Variants in TRPM1 observed in about 807,000 individuals in gnomAD.
TRPM1 encodes the protein transient receptor potential cation channel subfamily M member 1.
Under a neutral mutation model 149.4 loss-of-function variants are expected in TRPM1, and 113 were observed. The ratio of observed to expected loss-of-function variants is 0.76; its 90% confidence interval spans 0.65 to 0.88. The LOEUF (loss-of-function observed/expected upper bound fraction) is 0.88, where lower values mean the gene tolerates loss of function less well. Ranked by LOEUF, TRPM1 falls within the 40% of genes least tolerant of loss-of-function variation. TRPM1 has a pLI of 0.00. For synonymous variants in TRPM1, 741 were observed against 759.5 expected (o/e 0.98, Z 0.40); for missense variants, 1,976 against 2,038.7 (o/e 0.97, Z 0.59).
At chr15:31,088,385 T>C (rs747641751) in intron 1 of TRPM1, among the ~76,000 whole-genome samples, 5 of 152,176 alleles carry the variant, frequency 3.3e-5, no homozygotes, top group Non-Finnish European at 7.3e-5. Context: ...TGGCAATAAA[T>C]GTTATTGCTG....
At position 31,026,364 on chromosome 15, in the gene TRPM1, C is replaced by T. The variant is rs13380246; in HGVS notation, c.3497-93G>A. ...ATTTCACAGCCCCACTTTAATTAAG[C>T]TCTCTTCTCCGCCACTCCTAAGGCA... On this transcript the variant is annotated intron_variant, in intron 26 of 27. Coordinates refer to ENST00000256552, the MANE Select transcript of TRPM1 (RefSeq NM_001252024.2). The T allele has an allele frequency of 0.13, 190,357 of 1,481,094 alleles. 12,951 individuals carry two copies. The highest frequency in any genetic ancestry group is 0.19 in the African/African-American group (14,152 of 72,670). 91.7% of individuals were successfully genotyped at this position (1,481,094 alleles called of 1,614,324 possible).
intron 1 of TRPM1, among the ~76,000 whole-genome samples, chr15:31,085,064 T>A (rs1223406627): frequency 6.6e-6 from 1 of 152,180 alleles, no homozygotes; most frequent in East Asian, 1.9e-4. Flanking sequence ...TTGTTCATTT[T>A]GTGTTTGTGG....
rs574522837 is a variant in TRPM1, at chr15:31,063,275, G to T, written c.808C>A (p.Pro270Thr). 2.0e-5 allele frequency: 32 copies of T among 1,613,996 alleles called. No individual in the cohort carries two copies. The highest frequency in any genetic ancestry group is 2.6e-5 in the Non-Finnish European group (31 of 1,180,026). ...CCCTCCACCACGAGACCCACGAGGGGCACGCCCTGCCCCAGTCCTGCAACA... is the reference window on the plus strand; with the variant it reads ...CCCTCCACCACGAGACCCACGAGGGTCACGCCCTGCCCCAGTCCTGCAACA... ...KINTRLGQGV[P>T]LVGLVVEGGP... Residue 270 changes from proline (P) to threonine (T), a missense_variant, in exon 8 of 28, where the codon CCC becomes ACC. Pro to Thr is a conservative substitution (Grantham distance 38, BLOSUM62 -1). This residue lies in a region of TRPM1 where 1,332 missense variants were observed against 1,347.1 expected (regional missense o/e 0.99). Coordinates refer to ENST00000256552, the MANE Select transcript of TRPM1 (RefSeq NM_001252024.2).
chr15:31,159,617 T>A (rs966805263), intron 1 of TRPM1, among the ~76,000 whole-genome samples: 9 of 152,212 alleles, frequency 5.9e-5, no homozygotes, highest in Admixed American at 2.6e-4. Context: ...ATCTTTCCCA[T>A]TTTGGAATGG....
chr15:31,080,955 G>A (rs941034799), intron 2 of TRPM1, among the ~76,000 whole-genome samples: 2 of 152,082 alleles, frequency 1.3e-5, no homozygotes, highest in African/African-American at 4.8e-5. Flanking sequence ...TAATGCCACC[G>A]GCGGATGAGG....
intron 27 of TRPM1, among the ~76,000 whole-genome samples, chr15:31,015,649 T>C (rs2032334006): frequency 6.6e-6 from 1 of 152,138 alleles, no homozygotes; most frequent in Non-Finnish European, 1.5e-5. Context: ...TTGAATGCAA[T>C]GAACAAACCA....
In TRPM1 at chr15:31,027,108, G is replaced by A. The variant is rs911385978; in HGVS notation, c.3303C>T (p.Phe1101=). The change falls in exon 26 of 28, where the codon TTC becomes TTT. Residue 1101 remains phenylalanine (F), a synonymous_variant. Transcript: ENST00000256552. Reference sequence around the variant, plus strand: ...GGTTGGATATTGATTTTACTTCAAAGAAGGTATTGCTTTAAAAAGAAGACA... The same window carrying A: ...GGTTGGATATTGATTTTACTTCAAAAAAGGTATTGCTTTAAAAAGAAGACA... ...NLLIAVFNNT[F]FEVKSISNQV... The A allele has an allele frequency of 2.5e-6, 4 of 1,614,046 alleles. No individual in the cohort carries two copies. Among genetic ancestry groups the A allele is most frequent in the Non-Finnish European group, 3.4e-6 (4 of 1,179,992 alleles).
At chr15:31,008,393 T>G (rs752214191) in intron 27 of TRPM1, among the ~76,000 whole-genome samples, 1 of 152,236 alleles carries the variant, frequency 6.6e-6, no homozygotes, top group African/African-American at 2.4e-5. Context: ...TAAAATGTAT[T>G]TTTATCATCA....
intron 1 of TRPM1, among the ~76,000 whole-genome samples, chr15:31,091,982 C>T (rs10152647): frequency 0.37 from 56,210 of 152,008 alleles, 11,535 homozygotes; most frequent in East Asian, 0.82. Flanking sequence ...GCTCTGCTGG[C>T]TCCAGATATG....
At chr15:31,144,083 G>A (rs1405437677) in intron 1 of TRPM1, among the ~76,000 whole-genome samples, 1 of 152,062 alleles carries the variant, frequency 6.6e-6, no homozygotes, top group African/African-American at 2.4e-5. Context: ...TCAATATATT[G>A]GACACTGCAG....
intron 1 of TRPM1, among the ~76,000 whole-genome samples, chr15:31,113,422 A>C (rs1006967366): frequency 8.6e-6 from 1 of 116,788 alleles, no homozygotes; most frequent in African/African-American, 3.1e-5. Context: ...TTCAATACCC[A>C]GCTCTGACAG....
chr15:31,133,308 C>G (rs1371977356), intron 1 of TRPM1, among the ~76,000 whole-genome samples: 1 of 151,914 alleles, frequency 6.6e-6, no homozygotes, highest in African/African-American at 2.4e-5. Flanking sequence ...TGGTGTGTTC[C>G]TGTAGTCCCA....
chr15:31,079,420 TGTG>T (rs1402761658), intron 2 of TRPM1, among the ~76,000 whole-genome samples: 1 of 152,222 alleles, frequency 6.6e-6, no homozygotes, highest in Non-Finnish European at 1.5e-5. Flanking sequence ...GGCTCACTCA[TGTG>T]GTTGTTGGCC....
intron 11 of TRPM1, among the ~76,000 whole-genome samples, 174 bp from the exon 12 acceptor site, chr15:31,050,756 G>A (rs2033927489): frequency 6.6e-6 from 1 of 152,106 alleles, no homozygotes; most frequent in African/African-American, 2.4e-5. Context: ...ATGTACAGGT[G>A]CACACGGACT....
chr15:31,073,120 T>C (rs2034602846), intron 3 of TRPM1, among the ~76,000 whole-genome samples: 1 of 152,168 alleles, frequency 6.6e-6, no homozygotes, highest in South Asian at 2.1e-4. Context: ...CATTTTCTTC[T>C]AAGAGTTTTA....
chr15:31,089,008 T>A (rs894185903), intron 1 of TRPM1, among the ~76,000 whole-genome samples: 4 of 151,966 alleles, frequency 2.6e-5, no homozygotes. Context: ...AGATTTAGGG[T>A]GAGGCAAGTG....
chr15:31,082,777 C>T (rs983130600), intron 1 of TRPM1, among the ~76,000 whole-genome samples: 30 of 152,242 alleles, frequency 2.0e-4, no homozygotes, highest in African/African-American at 6.5e-4. Flanking sequence ...TGCTCAGGTG[C>T]ACGTTGTCAT....
At chr15:31,072,006 TATATATATATATAGAGAGAGAG>T (rs1181744304) in intron 3 of TRPM1, among the ~76,000 whole-genome samples, 663 of 38,232 alleles carry the variant, frequency 0.017, 4 homozygotes, top group East Asian at 0.17. Context: ...TATATATATA[TATATATATATATAGAGAGAGAG>T]AGAGAGAGAG....
At position 31,068,095 on chromosome 15, in the gene TRPM1, G is replaced by C; in HGVS notation, c.280-3C>G. ...GTGTCATAGGATACACGGATATACT[G>C]TGAAAGAGTGTGTGGCACTCAGCCT... On this transcript the variant is annotated splice_region_variant and splice_polypyrimidine_tract_variant and intron_variant, in intron 4 of 27. Coordinates refer to ENST00000256552, the MANE Select transcript of TRPM1 (RefSeq NM_001252024.2). 6.2e-7 allele frequency: 1 copy of C among 1,611,632 alleles called. No individual in the cohort carries two copies. Among genetic ancestry groups the C allele is most frequent in the Non-Finnish European group, 8.5e-7 (1 of 1,177,758 alleles).
Sources: allele counts gnomAD v4.1 joint callset (sites outside exome capture counted in the v4.1 genomes callset), GRCh38; gene constraint gnomAD v4.1.1; regional missense constraint gnomAD v4.1.1; transcripts MANE v1.5; gene names NCBI Gene and HGNC (gene_info 2026-07-23, HGNC 2026-07-21).